Variants in CLNK observed in about 807,000 individuals in gnomAD.
CLNK encodes the protein cytokine-dependent hematopoietic cell linker.
Under a neutral mutation model 68.6 loss-of-function variants are expected in CLNK, and 74 were observed. That is an observed-to-expected ratio of 1.08 (90% confidence interval 0.89 to 1.31). The LOEUF is 1.31. Ranked by LOEUF, CLNK falls within the 50% of genes most tolerant of loss-of-function variation. The pLI is 0.00. For synonymous variants in CLNK, 198 were observed against 172.2 expected (o/e 1.15, Z -1.17); for missense variants, 553 against 515.3 (o/e 1.07, Z -0.71).
At chr4:10,599,137 A>T (rs1721492656) in intron 2 of CLNK, among the ~76,000 whole-genome samples, 1 of 152,162 alleles carries the variant, frequency 6.6e-6, no homozygotes, top group Admixed American at 6.5e-5. Flanking sequence ...TTCACATCTG[A>T]CTGTTGAACT....
At chr4:10,700,036 A>G in the CLNK span, among the ~76,000 whole-genome samples, 1 of 75,022 alleles carries the variant, frequency 1.3e-5, no homozygotes, top group African/African-American at 4.1e-5. Flanking sequence ...GTATATATAT[A>G]TTTCCTATTG....
chr4:10,703,919 T>C, the CLNK span, among the ~76,000 whole-genome samples: 1 of 152,190 alleles, frequency 6.6e-6, no homozygotes, highest in Non-Finnish European at 1.5e-5. Context: ...TGTCATGTGG[T>C]GCATGATGTA....
chr4:10,537,646 T>TTCCTTC (rs1560206808), intron 11 of CLNK, among the ~76,000 whole-genome samples: 10 of 52,328 alleles, frequency 1.9e-4, no homozygotes, highest in Admixed American at 1.2e-3. Context: ...TCTCTTTCTT[T>TTCCTTC]CTTTCTTTCT....
chr4:10,521,672 T>C (rs1203881276), intron 14 of CLNK, among the ~76,000 whole-genome samples: 1 of 152,238 alleles, frequency 6.6e-6, no homozygotes. Context: ...TCTTGCTTTG[T>C]GGATAAAAAC....
chr4:10,723,893 A>T, the CLNK span, among the ~76,000 whole-genome samples: 1 of 151,192 alleles, frequency 6.6e-6, no homozygotes, highest in Non-Finnish European at 1.5e-5. Context: ...AGAGAGAGAG[A>T]GAGAGAGAGA....
chr4:10,499,675 A>C (rs1716960800), intron 18 of CLNK, among the ~76,000 whole-genome samples: 1 of 152,220 alleles, frequency 6.6e-6, no homozygotes, highest in Non-Finnish European at 1.5e-5. Flanking sequence ...GTAACTAAGC[A>C]CTACAGACAA....
intron 4 of CLNK, among the ~76,000 whole-genome samples, chr4:10,584,410 C>A (rs957753594): frequency 1.6e-4 from 24 of 152,138 alleles, no homozygotes; most frequent in African/African-American, 5.8e-4. Context: ...GAAATAATAA[C>A]CCTCCCCAGT....
At chr4:10,656,638 T>C (rs1413511553) in intron 2 of CLNK, 1 of 152,136 alleles carries the variant, frequency 6.6e-6, no homozygotes, top group Non-Finnish European at 1.5e-5. Context: ...GCTTTGGTAA[T>C]TGTGACATCG....
rs1194886560 is a variant in CLNK, at chr4:10,523,953, AG to A, written c.731+1887del. 1.8e-5 allele frequency: 7 copies of A among 390,408 alleles called. No homozygotes were observed. The Admixed American group carries it at 2.0e-4, about 11-fold the overall frequency. The allele number at this position is 390,408 out of a possible 1,614,324, so 24.2% of individuals were successfully genotyped here. A position where few individuals can be genotyped will look rare whatever the true frequency, so the allele number is the denominator to read the frequency against. On this transcript the variant is annotated intron_variant, in intron 14 of 18. Transcript: ENST00000226951. The stretch of plus-strand genomic sequence containing the variant: ...TGTGGGAGGATCACTTGAGCCCGGG[AG>A]GTCAAGGCTGCATTGAGATGTGATT...
At chr4:10,575,067 A>G (rs61795106) in intron 4 of CLNK, among the ~76,000 whole-genome samples, 33,887 of 152,056 alleles carry the variant, frequency 0.22, 4,035 homozygotes, top group African/African-American at 0.29. Flanking sequence ...TTTTGTCTGC[A>G]GCTTGTCCTG....
At chr4:10,730,561 A>G in the CLNK span, among the ~76,000 whole-genome samples, 1 of 152,162 alleles carries the variant, frequency 6.6e-6, no homozygotes, top group African/African-American at 2.4e-5. Flanking sequence ...GGGAGTTGCA[A>G]CTACAAGTGA....
At chr4:10,558,852 G>T (rs1184786310) in intron 7 of CLNK, among the ~76,000 whole-genome samples, 1 of 152,112 alleles carries the variant, frequency 6.6e-6, no homozygotes, top group Admixed American at 6.5e-5. Context: ...GGCAGGTCAG[G>T]GTATGGCCTC....
At chr4:10,551,016 A>G (rs1345193213) in intron 8 of CLNK, among the ~76,000 whole-genome samples, 2 of 152,232 alleles carry the variant, frequency 1.3e-5, no homozygotes, top group Non-Finnish European at 2.9e-5. Context: ...ACACTGGACA[A>G]AGAAATGATT....
chr4:10,668,220 G>T (rs1335822555), intron 1 of CLNK, among the ~76,000 whole-genome samples: 1 of 152,174 alleles, frequency 6.6e-6, no homozygotes, highest in Non-Finnish European at 1.5e-5. Flanking sequence ...GGCACCGAGG[G>T]CACGTTAGCC....
the CLNK span, among the ~76,000 whole-genome samples, chr4:10,706,754 G>A: frequency 1.3e-5 from 2 of 152,260 alleles, no homozygotes; most frequent in Admixed American, 1.3e-4. Context: ...ACAAGGCACT[G>A]ACCAGGCCAA....
At chr4:10,512,327 T>C (rs920785063) in intron 16 of CLNK, among the ~76,000 whole-genome samples, 2 of 151,570 alleles carry the variant, frequency 1.3e-5, no homozygotes, top group African/African-American at 2.4e-5. Flanking sequence ...ATCTCCCAGG[T>C]TCAAGCGATT....
chr4:10,606,345 G>T (rs1043444236), intron 2 of CLNK, among the ~76,000 whole-genome samples: 1 of 152,016 alleles, frequency 6.6e-6, no homozygotes, highest in African/African-American at 2.4e-5. Context: ...GCAATGACAC[G>T]CATGGAGTTG....
intron 2 of CLNK, among the ~76,000 whole-genome samples, chr4:10,654,056 T>A (rs1723859943): frequency 6.9e-6 from 1 of 144,480 alleles, no homozygotes; most frequent in Non-Finnish European, 1.5e-5. Flanking sequence ...CATAGTCTCT[T>A]GTCCAGAATG....
chr4:10,685,852 G>A (rs1030560938), upstream of CLNK, among the ~76,000 whole-genome samples: 9 of 152,260 alleles, frequency 5.9e-5, no homozygotes, highest in East Asian at 1.9e-4. Flanking sequence ...AGGGAGACTC[G>A]AGTAGTTTAA....
Sources: allele counts gnomAD v4.1 joint callset (sites outside exome capture counted in the v4.1 genomes callset), GRCh38; gene constraint gnomAD v4.1.1; transcripts MANE v1.5; gene names NCBI Gene and HGNC (gene_info 2026-07-23, HGNC 2026-07-21).